DOCK11: variants seen among roughly 807,000 people sequenced by gnomAD.
DOCK11 encodes the protein dedicator of cytokinesis protein 11.
Under a neutral mutation model 169.1 loss-of-function variants are expected in DOCK11, and 70 were observed. The ratio of observed to expected loss-of-function variants is 0.41; its 90% CI spans 0.34 to 0.51. DOCK11 has a LOEUF of 0.51. DOCK11 is among the 20% of genes least tolerant of loss of function. DOCK11 has a pLI of 0.10. For synonymous variants in DOCK11, 529 were observed against 541.3 expected, an observed-to-expected ratio of 0.98 and a Z score of 0.32; for missense variants, 1,166 against 1,538.8, an observed-to-expected ratio of 0.76 and a Z score of 4.05.
chrX:118,648,103 A>ATT (rs2015823320), intron 40 of DOCK11, among the ~76,000 whole-genome samples: 1 of 74,642 alleles, frequency 1.3e-5, no homozygotes, highest in Non-Finnish European at 2.3e-5. Context: ...ATATTATACA[A>ATT]TATAATATAT....
chrX:118,526,731 AT>A (rs1458519611), intron 1 of DOCK11, among the ~76,000 whole-genome samples: 1 of 112,292 alleles, frequency 8.9e-6, no homozygotes, highest in Non-Finnish European at 1.9e-5. Flanking sequence ...ACCATTAAAC[AT>A]TTCAATTGGC....
intron 48 of DOCK11, among the ~76,000 whole-genome samples, chrX:118,678,618 G>A (rs1033695308): frequency 9.2e-6 from 1 of 109,218 alleles, no homozygotes; most frequent in African/African-American, 3.3e-5. Context: ...GATTACAGTC[G>A]CTCACCACCA....
At chrX:118,642,387 C>T (rs1185824689) in intron 39 of DOCK11, among the ~76,000 whole-genome samples, 1 of 112,025 alleles carries the variant, frequency 8.9e-6, no homozygotes, top group Non-Finnish European at 1.9e-5. Context: ...TTGCGGTGGT[C>T]ACCCAACTCT....
In DOCK11 at chrX:118,622,369, T is replaced by C. The variant is rs970420415; in HGVS notation, c.3472-2170T>C. Reference sequence around the variant, plus strand: ...TACCGCATTTTAAAAAGTAGCTGCATAGTATTCTATCATATGGATATACTT... The same window carrying C: ...TACCGCATTTTAAAAAGTAGCTGCACAGTATTCTATCATATGGATATACTT... On this transcript the variant is annotated intron_variant, in intron 31 of 52. Coordinates refer to ENST00000276202, the MANE Select transcript of DOCK11 (RefSeq NM_144658.4). Among the ~76,000 whole-genome samples the C allele has an allele frequency of 2.7e-5, 3 of 112,554 alleles. No individual in the cohort carries two copies. In the East Asian group the frequency reaches 8.3e-4, roughly 31 times the overall value.
intron 1 of DOCK11, among the ~76,000 whole-genome samples, chrX:118,504,144 C>G (rs763550546): frequency 6.3e-5 from 7 of 111,087 alleles, no homozygotes; most frequent in Non-Finnish European, 1.3e-4. Flanking sequence ...CTCCGACCCC[C>G]ACCCCAGCCC....
chrX:118,557,212 A>C (rs907951577), intron 6 of DOCK11, among the ~76,000 whole-genome samples: 1 of 111,872 alleles, frequency 8.9e-6, no homozygotes, highest in Non-Finnish European at 1.9e-5. Flanking sequence ...CAGATAGATG[A>C]ATAACATATT....
intron 4 of DOCK11, 71 bp downstream of exon 4, chrX:118,543,664 T>G (rs1391417827): frequency 1.1e-6 from 1 of 944,352 alleles, no homozygotes; most frequent in Non-Finnish European, 1.5e-6. Flanking sequence ...TAAAACCACT[T>G]GTGAGGCCGG....
chrX:118,541,455 C>T, intron 1 of DOCK11, among the ~76,000 whole-genome samples: 1 of 111,692 alleles, frequency 9.0e-6, no homozygotes. Context: ...TGCATGTGTA[C>T]ACACAGCTGC....
At chrX:118,514,283 A>G (rs1414963017) in intron 1 of DOCK11, among the ~76,000 whole-genome samples, 2 of 110,290 alleles carry the variant, frequency 1.8e-5, no homozygotes, top group Non-Finnish European at 3.8e-5. Context: ...TTTCCTTTAT[A>G]AATTACCCAG....
chrX:118,675,859 A>AT (rs2016597263), intron 46 of DOCK11, 77 bp from the exon 47 acceptor site: 7 of 599,121 alleles, frequency 1.2e-5, no homozygotes, highest in Non-Finnish European at 1.8e-5. Context: ...GGTGCTTTTT[A>AT]TTTTTGTACA....
chrX:118,604,460 C>G (rs2147450234), intron 23 of DOCK11, among the ~76,000 whole-genome samples: 1 of 104,955 alleles, frequency 9.5e-6, no homozygotes, highest in African/African-American at 3.5e-5. Context: ...ATCCACCTCT[C>G]TATTTCCCCT....
At chrX:118,548,956 T>C (rs1054146735) in intron 6 of DOCK11, among the ~76,000 whole-genome samples, 3 of 111,260 alleles carry the variant, frequency 2.7e-5, no homozygotes, top group East Asian at 2.8e-4. Flanking sequence ...CATAAATTCA[T>C]AGAGTGTGTG....
chrX:118,537,430 C>T (rs932256717), intron 1 of DOCK11, among the ~76,000 whole-genome samples: 9 of 111,548 alleles, frequency 8.1e-5, no homozygotes, highest in African/African-American at 1.6e-4. Context: ...AAAGATTTAC[C>T]GGTAAACTAA....
intron 31 of DOCK11, among the ~76,000 whole-genome samples, chrX:118,620,134 C>T (rs1310185499): frequency 9.0e-6 from 1 of 111,196 alleles, no homozygotes; most frequent in Non-Finnish European, 1.9e-5. Context: ...GTACTTTTAA[C>T]ATATATATTG....
At position 118,598,110 on chromosome X, in the gene DOCK11, C is replaced by T; in HGVS notation, c.2466C>T (p.Tyr822=). 1 of 1,182,658 alleles carries T rather than the reference C, an allele frequency of 8.5e-7. No individual in the cohort carries two copies. Among genetic ancestry groups the T allele is most frequent in the Middle Eastern group, 2.5e-4 (1 of 4,050 alleles). The change falls in exon 22 of 53, where the codon TAC becomes TAT. Residue 822 remains tyrosine (Y), a synonymous_variant. Coordinates refer to ENST00000276202, the MANE Select transcript of DOCK11 (RefSeq NM_144658.4). ...KIKSHLESTI[Y]TQDLHVHKFF... ...AAAGCCACTTAGAATCTACCATTTA[C>T]ACTCAAGTAAGTTGCATCATTTGAA...
Position 118,629,997 on chromosome X carries a change from G to C in DOCK11, c.3775-382G>C, listed in dbSNP as rs113988592. ...AGATTTTCTAATGTATGATTTGGAG[G>C]TTGGATTTTAATAAACTCTAAGGAA... On this transcript the variant is annotated intron_variant, in intron 34 of 52. Coordinates refer to ENST00000276202, the MANE Select transcript of DOCK11 (RefSeq NM_144658.4). 4.3e-3 allele frequency among the ~76,000 whole-genome samples: 469 copies of C among 110,131 alleles called. 13 individuals carry two copies. Among genetic ancestry groups the C allele is most frequent in the South Asian group, 0.031 (80 of 2,557 alleles).
chrX:118,648,191 A>AATATAAT (rs1265762222), intron 40 of DOCK11, among the ~76,000 whole-genome samples: 1 of 72,277 alleles, frequency 1.4e-5, no homozygotes, highest in African/African-American at 6.3e-5. Context: ...AATATATAAT[A>AATATAAT]ATATAATATA....
chrX:118,596,062 T>C (rs1003290819), intron 20 of DOCK11, among the ~76,000 whole-genome samples: 2 of 112,436 alleles, frequency 1.8e-5, no homozygotes, highest in Admixed American at 9.4e-5. Context: ...TTGTGTGGTA[T>C]ATCTGAATGA....
At position 118,544,645 on chromosome X, in the gene DOCK11, C is replaced by T. The variant is rs547228240; in HGVS notation, c.393-678C>T. On this transcript the variant is annotated intron_variant, in intron 4 of 52. Transcript: ENST00000276202. ...TGCAAGAGCCAGAATTACACTGTTG[C>T]TTTTTTTTTTTTTTTTTTTTTTTTT... Among the ~76,000 whole-genome samples the T allele has an allele frequency of 0.012, 279 of 23,331 alleles. 6 individuals are homozygous for T. The South Asian group carries it at 0.2, about 17-fold the overall frequency. The allele number at this position is 23,331 out of a possible 115,157, so 20.3% of individuals were successfully genotyped here.
Sources: gnomAD v4.1 joint callset for allele counts (sites outside exome capture counted in the v4.1 genomes callset) on GRCh38, gnomAD v4.1.1 for gene constraint, MANE v1.5 for transcripts, NCBI Gene and HGNC (gene_info 2026-07-23, HGNC 2026-07-21) for gene names.